The following KIAA1549L variants were observed in gnomAD, a reference collection of about 807,000 sequenced individuals.
KIAA1549L encodes KIAA1549 like.
A neutral mutation model predicts 160.7 loss-of-function variants in KIAA1549L; 88 were observed. The ratio of observed to expected loss-of-function variants is 0.55; its 90% CI spans 0.46 to 0.65. KIAA1549L has a LOEUF of 0.65. Ranked by LOEUF, KIAA1549L falls within the 30% of genes least tolerant of loss-of-function variation. KIAA1549L has a pLI of 0.00. For synonymous variants in KIAA1549L, 950 were observed against 976.7 expected, an observed-to-expected ratio of 0.97 and a Z score of 0.51; for missense variants, 2,258 against 2,437.5, an observed-to-expected ratio of 0.93 and a Z score of 1.55.
intron 16 of KIAA1549L, among the ~76,000 whole-genome samples, chr11:33,642,244 C>A (rs1276761908): frequency 4.6e-5 from 7 of 152,172 alleles, no homozygotes; most frequent in African/African-American, 1.7e-4. Flanking sequence ...TATTGTCATG[C>A]AACTCATTAG....
At chr11:33,456,808 G>A (rs1010940857) in intron 1 of KIAA1549L, among the ~76,000 whole-genome samples, 3 of 152,188 alleles carry the variant, frequency 2.0e-5, no homozygotes, top group Admixed American at 6.5e-5. Context: ...TATTAAAAAT[G>A]TCAGTTCAAT....
chr11:33,551,373 G>T, intron 5 of KIAA1549L, 114 bp downstream of exon 5: 3 of 858,136 alleles, frequency 3.5e-6, no homozygotes, highest in Non-Finnish European at 5.6e-6. Flanking sequence ...TTTAGTCCCT[G>T]TGAACCTTCT....
rs1055040871 is a variant in KIAA1549L at position 33,670,063 on chromosome 11, C to T, written c.*1909C>T. 7 of 152,198 alleles carry T rather than the reference C, an allele frequency of 4.6e-5. No homozygotes were observed. The highest frequency in any genetic ancestry group is 1.4e-4 in the African/African-American group (6 of 41,448). 9.4% of individuals were successfully genotyped at this position (152,198 alleles called of 1,614,324 possible). ...TATTGACAGGTTAACACAATGCCTA[C>T]GTCTATCCACATAGGCATTCAATGC... On this transcript the variant is annotated 3_prime_UTR_variant, in exon 21 of 21. Coordinates refer to ENST00000658780, the MANE Select transcript of KIAA1549L (RefSeq NM_012194.3).
intron 9 of KIAA1549L, among the ~76,000 whole-genome samples, chr11:33,568,465 A>G (rs867787060): frequency 6.6e-6 from 1 of 152,198 alleles, no homozygotes; most frequent in Non-Finnish European, 1.5e-5. Flanking sequence ...GTTATAACAC[A>G]AGGAAGTCTC....
chr11:33,404,397 G>A (rs144075891), intron 1 of KIAA1549L, among the ~76,000 whole-genome samples: 10,216 of 151,970 alleles, frequency 0.067, 355 homozygotes, highest in South Asian at 0.1. Flanking sequence ...GGTGGCAGGC[G>A]CCCGTAATCC....
chr11:33,440,908 GTTCTT>G (rs1015201355), intron 1 of KIAA1549L, among the ~76,000 whole-genome samples: 3 of 151,918 alleles, frequency 2.0e-5, no homozygotes, highest in African/African-American at 7.2e-5. Context: ...TAGGTTGACA[GTTCTT>G]TTCTTTTTTT....
chr11:33,600,042 G>T (rs1037618190), intron 13 of KIAA1549L, among the ~76,000 whole-genome samples: 1 of 151,976 alleles, frequency 6.6e-6, no homozygotes, highest in Non-Finnish European at 1.5e-5. Context: ...GAAAAGAAAA[G>T]AAATAACGAC....
At chr11:33,527,518 A>G (rs1398611425) in intron 1 of KIAA1549L, among the ~76,000 whole-genome samples, 1 of 152,234 alleles carries the variant, frequency 6.6e-6, no homozygotes, top group Non-Finnish European at 1.5e-5. Flanking sequence ...TCTTCTAGAC[A>G]TTGACTTAGG....
chr11:33,602,755 G>A (rs1850397924), intron 13 of KIAA1549L, among the ~76,000 whole-genome samples: 1 of 152,172 alleles, frequency 6.6e-6, no homozygotes, highest in Admixed American at 6.5e-5. Flanking sequence ...TGAACCTGCT[G>A]TGTTCATACC....
intron 1 of KIAA1549L, among the ~76,000 whole-genome samples, chr11:33,395,442 T>G (rs1389644655): frequency 2.0e-5 from 3 of 152,192 alleles, no homozygotes; most frequent in Non-Finnish European, 4.4e-5. Context: ...TTTCAGGATG[T>G]TTCTGGAACT....
intron 13 of KIAA1549L, among the ~76,000 whole-genome samples, chr11:33,600,387 G>T (rs893593100): frequency 1.3e-5 from 2 of 152,162 alleles, no homozygotes; most frequent in Non-Finnish European, 2.9e-5. Context: ...CCTAGGATGA[G>T]GTGATAAGAG....
At chr11:33,646,538 T>A (rs1851728836) in intron 17 of KIAA1549L, among the ~76,000 whole-genome samples, 1 of 152,198 alleles carries the variant, frequency 6.6e-6, no homozygotes, top group Admixed American at 6.5e-5. Context: ...ATGAAAAATT[T>A]TGAAAACCTG....
At chr11:33,576,993 C>G (rs1454152024) in intron 10 of KIAA1549L, among the ~76,000 whole-genome samples, 1 of 152,038 alleles carries the variant, frequency 6.6e-6, no homozygotes, top group African/African-American at 2.4e-5. Flanking sequence ...GTGGGTTTAG[C>G]TAGAGAGAAA....
intron 1 of KIAA1549L, among the ~76,000 whole-genome samples, chr11:33,499,867 C>T (rs974102476): frequency 3.3e-5 from 5 of 152,170 alleles, no homozygotes; most frequent in African/African-American, 1.2e-4. Context: ...AAACATGGTC[C>T]TGGCCATTAG....
chr11:33,556,306 A>T (rs1854645618), intron 6 of KIAA1549L, among the ~76,000 whole-genome samples: 1 of 152,212 alleles, frequency 6.6e-6, no homozygotes, highest in South Asian at 2.1e-4. Context: ...TTCATTTCTC[A>T]TTATATACCA....
In KIAA1549L at chr11:33,603,462, G is replaced by A. The variant is rs538520580; in HGVS notation, c.4880-3179G>A. ...GGGAAAAGGGCATTCTGAGCAGAGG[G>A]AATAGCTAGTGCAAAATTCCTGAGA... is the stretch of plus-strand genomic sequence containing the variant. On this transcript the variant is annotated intron_variant, in intron 13 of 20. Transcript: ENST00000658780. Among the ~76,000 whole-genome samples, 211 of 152,232 alleles carry A rather than the reference G, an allele frequency of 1.4e-3. 1 individual carries two copies. The Middle Eastern group carries it at 0.027, about 20-fold the overall frequency.
At chr11:33,629,682 C>A (rs1851221868) in intron 16 of KIAA1549L, among the ~76,000 whole-genome samples, 1 of 151,284 alleles carries the variant, frequency 6.6e-6, no homozygotes, top group South Asian at 2.1e-4. Flanking sequence ...TCTAGTTATA[C>A]ATTCTTCTAA....
At chr11:33,388,866 CCA>C (rs565219347) in intron 1 of KIAA1549L, among the ~76,000 whole-genome samples, 5 of 152,126 alleles carry the variant, frequency 3.3e-5, no homozygotes, top group Admixed American at 6.5e-5. Flanking sequence ...CTTTTAAACA[CCA>C]CATAGAATGG....
chr11:33,508,894 T>C lies in KIAA1549L; in HGVS notation c.239-32908T>C, dbSNP rs1276733840. 2.6e-5 allele frequency among the ~76,000 whole-genome samples: 4 copies of C among 152,204 alleles called. No homozygotes were observed. The East Asian group carries it at 7.7e-4, about 29-fold the overall frequency. ...TCATTTAACCTTTTGCTTCAGTTTC[T>C]TTGTGTATAAAATGAGACGGCTGGG... On this transcript the variant is annotated intron_variant, in intron 1 of 20. Coordinates refer to ENST00000658780, the MANE Select transcript of KIAA1549L (RefSeq NM_012194.3).
Sources: allele counts gnomAD v4.1 joint callset (sites outside exome capture counted in the v4.1 genomes callset), GRCh38; gene constraint gnomAD v4.1.1; transcripts MANE v1.5; gene names NCBI Gene and HGNC (gene_info 2026-07-23, HGNC 2026-07-21).